The following SLC25A51 variants were observed in gnomAD, a reference collection of about 807,000 sequenced individuals.
SLC25A51 encodes solute carrier family 25 member 51.
Under a neutral mutation model 19.1 loss-of-function variants are expected in SLC25A51, and 11 were observed. The ratio of observed to expected loss-of-function variants is 0.58; its 90% CI spans 0.36 to 0.96. The LOEUF (loss-of-function observed/expected upper bound fraction) is 0.96, where lower values mean the gene tolerates loss of function less well. Among genes scored for constraint, SLC25A51 ranks in the 40% least tolerant of loss-of-function variants. The probability of loss-of-function intolerance (pLI) is 0.01; values close to 1 mark genes in which losing one functional copy is unlikely to be tolerated. For missense variants in SLC25A51, 201 were observed against 365.4 expected (o/e 0.55, Z 3.67); for synonymous variants, 105 against 133.6 (o/e 0.79, Z 1.47).
intron 2 of SLC25A51, among the ~76,000 whole-genome samples, chr9:37,896,784 G>A (rs996315114): frequency 3.9e-5 from 6 of 152,150 alleles, no homozygotes; most frequent in African/African-American, 7.2e-5. Context: ...TGACAAGTGC[G>A]AAGCTCTGTC....
At chr9:37,883,651 G>A (rs1374998287), downstream of SLC25A51, among the ~76,000 whole-genome samples, 1 of 152,232 alleles carries the variant, frequency 6.6e-6, no homozygotes, top group Non-Finnish European at 1.5e-5. Flanking sequence ...GCACACACCT[G>A]TGAGTGCTCA....
chr9:37,879,121 T>C (rs548747107), downstream of SLC25A51: 20 of 358,626 alleles, frequency 5.6e-5, no homozygotes, highest in Admixed American at 6.8e-4. Context: ...CATGTAGACT[T>C]TGAGTAACAT....
downstream of SLC25A51, chr9:37,887,573 T>TAAA (rs371359761): frequency 7.6e-4 from 984 of 1,293,144 alleles, no homozygotes; most frequent in Non-Finnish European, 8.3e-4. Flanking sequence ...GGATTTCCTT[T>TAAA]AAAAAAAAAA....
chr9:37,885,906 A>C, downstream of SLC25A51: 3 of 1,552,048 alleles, frequency 1.9e-6, no homozygotes, highest in Non-Finnish European at 2.7e-6. Flanking sequence ...ATGGGCCCTG[A>C]GTATATCAAG....
chr9:37,885,882 C>T, downstream of SLC25A51: 2 of 1,597,790 alleles, frequency 1.3e-6, no homozygotes, highest in Admixed American at 1.7e-5. Context: ...GTGCAAACCC[C>T]CCCCTCCCCA....
At chr9:37,900,286 G>A (rs367981829) in intron 1 of SLC25A51, among the ~76,000 whole-genome samples, 1 of 151,922 alleles carries the variant, frequency 6.6e-6, no homozygotes, top group South Asian at 2.1e-4. Flanking sequence ...CCATCTCTAC[G>A]AAAAATCCAA....
At chr9:37,884,657 T>A (rs1335404036), downstream of SLC25A51, among the ~76,000 whole-genome samples, 4 of 152,212 alleles carry the variant, frequency 2.6e-5, no homozygotes, top group Admixed American at 1.3e-4. Flanking sequence ...GATGCTTGAA[T>A]ATGACCAACT....
chr9:37,886,187 A>C (rs531070077), downstream of SLC25A51: 1 of 1,508,652 alleles, frequency 6.6e-7, no homozygotes, highest in South Asian at 1.1e-5. Context: ...CAAGAAGGTA[A>C]TGCGGCAGCC....
At chr9:37,895,773 A>G (rs980764217) in intron 2 of SLC25A51, among the ~76,000 whole-genome samples, 1 of 151,510 alleles carries the variant, frequency 6.6e-6, no homozygotes, top group African/African-American at 2.4e-5. Flanking sequence ...TAAGGTCTTC[A>G]TTACTCCAAA....
At chr9:37,894,988 T>C (rs1457335428) in intron 2 of SLC25A51, among the ~76,000 whole-genome samples, 2 of 152,240 alleles carry the variant, frequency 1.3e-5, no homozygotes, top group Non-Finnish European at 2.9e-5. Flanking sequence ...CCATGGTGTA[T>C]GTGTACCACG....
At chr9:37,888,982 A>G (rs754060046) in intron 2 of SLC25A51, among the ~76,000 whole-genome samples, 7 of 152,242 alleles carry the variant, frequency 4.6e-5, no homozygotes, top group Non-Finnish European at 7.3e-5. Context: ...GTTATTTTTC[A>G]TGAAAATGTG....
chr9:37,884,244 T>G (rs966453209), downstream of SLC25A51, among the ~76,000 whole-genome samples: 1 of 152,224 alleles, frequency 6.6e-6, no homozygotes, highest in Non-Finnish European at 1.5e-5. Flanking sequence ...TGGCACAAGT[T>G]TCATCTGGAA....
chr9:37,897,965 C>G (rs540054157), intron 2 of SLC25A51, among the ~76,000 whole-genome samples: 1 of 152,176 alleles, frequency 6.6e-6, no homozygotes, highest in Non-Finnish European at 1.5e-5. Flanking sequence ...GTGCAGGAGG[C>G]CTTCCTTCTG....
chr9:37,899,770 T>C (rs1480626960), intron 2 of SLC25A51, 59 bp downstream of exon 2: 1 of 100,258 alleles, frequency 1.0e-5, no homozygotes, highest in Non-Finnish European at 1.9e-5. Flanking sequence ...CCCATCATAC[T>C]GTAGAACAAT....
At chr9:37,886,514 A>G (rs10973596), downstream of SLC25A51, 155,678 of 1,098,724 alleles carry the variant, frequency 0.14, 11,779 homozygotes, top group African/African-American at 0.19. Flanking sequence ...GGCAGTGCGC[A>G]GCTTCTGATT....
At chr9:37,879,734 G>A (rs1421145976) in exon 4 of SLC25A51, 1 of 150,690 alleles carries the variant, frequency 6.6e-6, no homozygotes, top group Non-Finnish European at 1.5e-5. Context: ...CTTCCCCAAG[G>A]AAGTGACACT....
At chr9:37,878,359 C>T (rs1236277332), downstream of SLC25A51, 1 of 173,258 alleles carries the variant, frequency 5.8e-6, no homozygotes. Context: ...GAGGAGACAG[C>T]TTTCATTGTG....
rs1831505833 is a variant in SLC25A51 at position 37,888,248 on chromosome 9, C to A, written c.303G>T (p.Leu101=). The A allele has an allele frequency of 6.2e-7, 1 of 1,614,088 alleles. No homozygotes were observed. The highest frequency in any genetic ancestry group is 1.3e-5 in the African/African-American group (1 of 74,924). The change falls in exon 3 of 3, where the codon CTG becomes CTT. Residue 101 remains leucine, a synonymous_variant. Coordinates refer to ENST00000242275, the MANE Select transcript of SLC25A51 (RefSeq NM_033412.4). ...KTTTLALMFG[L]YEDLSCLLHK... ...GGAGAAGGCAGGATAAATCCTCATA[C>A]AGACCAAACATAAGTGCAAGCGTAG...
chr9:37,887,295 C>A (rs1365055002), downstream of SLC25A51, among the ~76,000 whole-genome samples: 4 of 147,166 alleles, frequency 2.7e-5, no homozygotes, highest in Non-Finnish European at 4.5e-5. Context: ...CCAGCCTGGG[C>A]AACAGAGCAA....
Sources: gnomAD v4.1 joint callset for allele counts (sites outside exome capture counted in the v4.1 genomes callset) on GRCh38, gnomAD v4.1.1 for gene constraint, MANE v1.5 for transcripts, NCBI Gene and HGNC (gene_info 2026-07-23, HGNC 2026-07-21) for gene names.